The following CFAP47 variants were observed in gnomAD, a reference collection of about 807,000 sequenced individuals.
CFAP47 encodes the protein cilia- and flagella-associated protein 47.
A neutral mutation model predicts 148.1 loss-of-function variants in CFAP47; 29 were observed. The ratio of observed to expected loss-of-function variants is 0.20; its 90% CI spans 0.15 to 0.27. The LOEUF is 0.27. CFAP47 is among the 10% of genes least tolerant of loss of function. The pLI is 1.00. For synonymous variants in CFAP47, 664 were observed against 577.3 expected (o/e 1.15, Z -2.15); for missense variants, 1,872 against 1,697.5 (o/e 1.10, Z -1.81).
At chrX:36,114,035 C>G (rs112715114) in intron 33 of CFAP47, among the ~76,000 whole-genome samples, 9,888 of 110,052 alleles carry the variant, frequency 0.09, 1,096 homozygotes, top group African/African-American at 0.3. Flanking sequence ...TGGTCTCGAT[C>G]TGCTGACCTC....
intron 8 of CFAP47, among the ~76,000 whole-genome samples, chrX:35,964,775 G>A (rs966701140): frequency 3.6e-5 from 4 of 111,096 alleles, no homozygotes; most frequent in Admixed American, 9.6e-5. Context: ...TTTTAGTTAC[G>A]TTACTCTTCA....
At chrX:36,138,289 C>G (rs1472964134) in intron 34 of CFAP47, 59 bp from the exon 35 acceptor site, 11 of 1,024,411 alleles carry the variant, frequency 1.1e-5, no homozygotes, top group Admixed American at 4.0e-5. Context: ...ATAGAGAACA[C>G]TTAAAAAACA....
At chrX:35,956,329 G>A in intron 8 of CFAP47, 133 bp downstream of exon 8, 1 of 509,757 alleles carries the variant, frequency 2.0e-6, no homozygotes, top group Non-Finnish European at 3.2e-6. Flanking sequence ...GCCTAGTTAT[G>A]AAGATTTTTG....
intron 40 of CFAP47, among the ~76,000 whole-genome samples, chrX:36,185,507 C>G (rs6632508): frequency 0.17 from 18,519 of 110,840 alleles, 1,343 homozygotes; most frequent in East Asian, 0.26. Flanking sequence ...ATTAGGATTT[C>G]TTAACTTTTG....
At chrX:36,250,172 A>G (rs1197664889) in intron 48 of CFAP47, among the ~76,000 whole-genome samples, 1 of 111,569 alleles carries the variant, frequency 9.0e-6, no homozygotes, top group Non-Finnish European at 1.9e-5. Context: ...ACCTGTGTCC[A>G]TCAACAAATG....
chrX:36,368,741 A>C (rs1941902113), intron 62 of CFAP47, among the ~76,000 whole-genome samples: 1 of 111,754 alleles, frequency 8.9e-6, no homozygotes, highest in Non-Finnish European at 1.9e-5. Context: ...AAGTGGAGAT[A>C]AAATATAACC....
chrX:36,190,117 G>A lies in CFAP47; in HGVS notation c.6242G>A (p.Gly2081Glu), dbSNP rs1602037841. ...SMHTVHLGVK[G>E]TSSLELRFLP... ...CATACTGTTCACCTGGGAGTGAAAG[G>A]AACTTCAAGCCTAGAGCTCCGCTTT... The change falls in exon 42 of 64, where the codon GGA becomes GAA. Residue 2081 changes from glycine (G) to glutamate (E), a missense_variant. Coordinates refer to ENST00000378653, the MANE Select transcript of CFAP47 (RefSeq NM_001304548.2). The A allele has an allele frequency of 6.7e-6, 2 of 298,005 alleles. No homozygotes were observed. Among genetic ancestry groups the A allele is most frequent in the Middle Eastern group, 1.8e-3 (2 of 1,133 alleles). The allele number at this position is 298,005 out of a possible 1,213,427, so 24.6% of individuals were successfully genotyped here.
At chrX:36,156,023 CAGA>C (rs758525870) in intron 37 of CFAP47, among the ~76,000 whole-genome samples, 4 of 111,031 alleles carry the variant, frequency 3.6e-5, no homozygotes, top group South Asian at 3.7e-4. Flanking sequence ...GAAGGGTTCC[CAGA>C]AGAAGTAATG....
chrX:35,954,645 G>A (rs1053945001), intron 7 of CFAP47, among the ~76,000 whole-genome samples: 2 of 111,781 alleles, frequency 1.8e-5, no homozygotes, highest in Admixed American at 9.5e-5. Context: ...TGGCTACTAA[G>A]AGCATTAGTG....
At chrX:36,231,607 C>T (rs1555992706) in intron 46 of CFAP47, among the ~76,000 whole-genome samples, 1 of 110,773 alleles carries the variant, frequency 9.0e-6, no homozygotes, top group Non-Finnish European at 1.9e-5. Context: ...CCTTTATTTC[C>T]TTCTCCTGCC....
At chrX:36,104,304 A>C (rs1464671454) in intron 32 of CFAP47, among the ~76,000 whole-genome samples, 195 bp from the exon 33 acceptor site, 1 of 112,111 alleles carries the variant, frequency 8.9e-6, no homozygotes, top group Admixed American at 9.5e-5. Context: ...CCACAGAAGC[A>C]AAAAGTTGTC....
intron 29 of CFAP47, 139 bp downstream of exon 29, chrX:36,073,503 T>C: frequency 2.4e-6 from 1 of 413,042 alleles, no homozygotes; most frequent in Admixed American, 5.0e-5. Context: ...ATCTCATAAT[T>C]TATTGTTGTT....
intron 49 of CFAP47, among the ~76,000 whole-genome samples, chrX:36,262,101 ATAG>A (rs1317660083): frequency 5.4e-4 from 61 of 112,393 alleles, no homozygotes; most frequent in Middle Eastern, 4.6e-3. Flanking sequence ...TTGTGGGTAC[ATAG>A]TAGTTGTATG....
chrX:36,288,697 G>C (rs782163143), intron 51 of CFAP47, among the ~76,000 whole-genome samples: 1 of 111,346 alleles, frequency 9.0e-6, no homozygotes, highest in Admixed American at 9.6e-5. Flanking sequence ...TAAAAACACC[G>C]TTAATCCTCT....
chrX:36,338,002 T>C (rs1361912361), intron 57 of CFAP47, among the ~76,000 whole-genome samples: 4 of 102,612 alleles, frequency 3.9e-5, no homozygotes, highest in African/African-American at 1.4e-4. Context: ...CCCGAGTAGC[T>C]GGGACTACAG....
chrX:36,287,637 T>C lies in CFAP47; in HGVS notation c.7686+1911T>C, dbSNP rs187353480. 2.1e-4 allele frequency among the ~76,000 whole-genome samples: 24 copies of C among 111,644 alleles called. 1 individual carries two copies. In the East Asian group the frequency reaches 4.8e-3, roughly 22 times the overall value. On this transcript the variant is annotated intron_variant, in intron 51 of 63. Transcript: ENST00000378653. ...GTTACCATAGGCAGGTTTGCTGTAT[T>C]AATTAAATGTTCACATTTAACTGTG...
chrX:36,160,660 G>T (rs1939418906), intron 38 of CFAP47, 21 bp from the exon 39 acceptor site: 1 of 291,981 alleles, frequency 3.4e-6, no homozygotes, highest in Non-Finnish European at 6.0e-6. Context: ...CATGTGGTAA[G>T]ACTTTATTTT....
chrX:35,925,436 G>A (rs1217505779), intron 1 of CFAP47, among the ~76,000 whole-genome samples: 3 of 111,350 alleles, frequency 2.7e-5, no homozygotes, highest in Non-Finnish European at 5.7e-5. Flanking sequence ...AATGTTCCCA[G>A]TACAAATAAA....
In CFAP47 at chrX:35,951,177, C is replaced by T. The variant is rs1395305681; in HGVS notation, c.703C>T (p.His235Tyr). The T allele has an allele frequency of 8.3e-7, 1 of 1,211,146 alleles. No individual in the cohort carries two copies. Among genetic ancestry groups the T allele is most frequent in the African/African-American group, 1.7e-5 (1 of 57,745 alleles). The change falls in exon 5 of 64, where the codon CAT becomes TAT. Residue 235 changes from histidine to tyrosine, a missense_variant. Transcript: ENST00000378653. ...QPEMLLSIKAHVVEQIIELLS... is the reference protein window; with the variant it reads ...QPEMLLSIKAYVVEQIIELLS... Reference sequence around the variant, plus strand: ...TGAGATGCTCTTGAGTATCAAAGCTCATGTGGTTGAGCAGATTATTGAATT... The same window carrying T: ...TGAGATGCTCTTGAGTATCAAAGCTTATGTGGTTGAGCAGATTATTGAATT...
Sources: gnomAD v4.1 joint callset for allele counts (sites outside exome capture counted in the v4.1 genomes callset) on GRCh38, gnomAD v4.1.1 for gene constraint, MANE v1.5 for transcripts, NCBI Gene and HGNC (gene_info 2026-07-23, HGNC 2026-07-21) for gene names.